Variants in CHN2 observed in about 807,000 individuals in gnomAD.
CHN2 encodes beta-chimaerin.
CHN2 carries 35 observed loss-of-function variants against 56.3 expected under a neutral mutation model. That is an observed-to-expected ratio of 0.62 (90% CI 0.47 to 0.82). CHN2 has a LOEUF of 0.82. Among genes scored for constraint, CHN2 ranks in the 40% least tolerant of loss-of-function variants. The pLI, the probability that CHN2 is intolerant of heterozygous loss-of-function variation, is 0.00. For missense variants in CHN2, 491 were observed against 580.5 expected, an observed-to-expected ratio of 0.85 and a Z score of 1.58; for synonymous variants, 210 against 212.8, an observed-to-expected ratio of 0.99 and a Z score of 0.12.
chr7:29,256,709 C>G (rs1388803963), intron 1 of CHN2, among the ~76,000 whole-genome samples: 1 of 152,072 alleles, frequency 6.6e-6, no homozygotes, highest in Non-Finnish European at 1.5e-5. Flanking sequence ...CAGGTGATCT[C>G]GATGATCTTC....
chr7:29,376,573 G>A (rs1025515099), intron 3 of CHN2: 1 of 152,220 alleles, frequency 6.6e-6, no homozygotes, highest in African/African-American at 2.4e-5. Context: ...GCCGCCTTGG[G>A]TGTGAGAACT....
intron 1 of CHN2, among the ~76,000 whole-genome samples, chr7:29,266,866 G>T (rs923339093): frequency 6.6e-6 from 1 of 152,174 alleles, no homozygotes; most frequent in African/African-American, 2.4e-5. Flanking sequence ...TCTTCTAGTC[G>T]AGAAACCTAG....
intron 2 of CHN2, among the ~76,000 whole-genome samples, chr7:29,361,633 T>G (rs114865441): frequency 6.6e-6 from 1 of 152,198 alleles, no homozygotes; most frequent in African/African-American, 2.4e-5. Flanking sequence ...CTTTGTTGGT[T>G]GTGAGATTGG....
chr7:29,169,831 T>G (rs1796367487), intron 2 of CHN2, among the ~76,000 whole-genome samples: 1 of 151,564 alleles, frequency 6.6e-6, no homozygotes, highest in South Asian at 2.1e-4. Context: ...TGTATATATA[T>G]ATATACACAC....
At chr7:29,398,239 T>C in intron 4 of CHN2, 134 bp from the exon 5 acceptor site, 1 of 636,220 alleles carries the variant, frequency 1.6e-6, no homozygotes. Context: ...AGATGGGCAG[T>C]AGTCACCCCC....
At chr7:29,322,195 G>A (rs543432583) in intron 1 of CHN2, among the ~76,000 whole-genome samples, 3 of 152,174 alleles carry the variant, frequency 2.0e-5, no homozygotes, top group South Asian at 2.1e-4. Flanking sequence ...TTCTCACATC[G>A]TTTCCTAAAG....
Position 29,504,733 on chromosome 7 carries a change from C to A in CHN2, c.914-11C>A. 1 of 1,565,554 alleles carries A rather than the reference C, an allele frequency of 6.4e-7. No individual in the cohort carries two copies. The highest frequency in any genetic ancestry group is 8.7e-7 in the Non-Finnish European group (1 of 1,142,884). On this transcript the variant is annotated splice_polypyrimidine_tract_variant and intron_variant, in intron 9 of 12. Coordinates refer to ENST00000222792, the MANE Select transcript of CHN2 (RefSeq NM_004067.4). ...GAAGCTAAAGTCAGTCTCTCTCTCT[C>A]TCTCTAACAGGATTAAAATCGGAAG...
Position 29,499,896 on chromosome 7 carries a change from T to C in CHN2, c.769T>C (p.Ser257Pro). 6.2e-7 allele frequency: 1 copy of C among 1,609,040 alleles called. No homozygotes were observed. Among genetic ancestry groups the C allele is most frequent in the Non-Finnish European group, 8.5e-7 (1 of 1,178,292 alleles). Residue 257 changes from serine (S) to proline (P), a missense_variant, in exon 9 of 13, where the codon TCC becomes CCC. Coordinates refer to ENST00000222792, the MANE Select transcript of CHN2 (RefSeq NM_004067.4). ...DCGLNVHKQC[S>P]KHVPNDCQPD... ...TGGATTGAACGTACACAAACAGTGT[T>C]CCAAGCACGTTCCCAATGACTGCCA...
chr7:29,292,157 T>C (rs974445937), intron 1 of CHN2, among the ~76,000 whole-genome samples: 2 of 152,192 alleles, frequency 1.3e-5, no homozygotes, highest in African/African-American at 4.8e-5. Context: ...AGGCAGAGGA[T>C]GGAGCGAGAG....
Position 29,152,792 on chromosome 7 carries a change from T to G in CHN2, c.274+5832T>G, listed in dbSNP as rs146898646. On this transcript the variant is annotated intron_variant, in intron 2 of 6. Transcript: ENST00000439384. ...ATTGTTAAGTTTCTCTCAGTAAATT[T>G]TGACAAGAAACAGGCAAGCAAAACA... Among the ~76,000 whole-genome samples, 509 of 152,346 alleles carry G rather than the reference T, an allele frequency of 3.3e-3. 1 individual carries two copies. The highest frequency in any genetic ancestry group is 5.1e-3 in the Non-Finnish European group (344 of 68,022).
intron 1 of CHN2, among the ~76,000 whole-genome samples, chr7:29,232,138 T>C (rs954688366): frequency 1.3e-5 from 2 of 152,184 alleles, no homozygotes; most frequent in Non-Finnish European, 2.9e-5. Context: ...CTCTTTGGAT[T>C]TGTAAACAGA....
chr7:29,367,920 C>G lies in CHN2; in HGVS notation c.89-12C>G. ...TAATTATTTCTCTCTCTCTCTCTCT[C>G]TTTTTTGGCAGTATATCAGTTACAG... On this transcript the variant is annotated splice_polypyrimidine_tract_variant and intron_variant, in intron 2 of 12. Coordinates refer to ENST00000222792, the MANE Select transcript of CHN2 (RefSeq NM_004067.4). 6.3e-7 allele frequency: 1 copy of G among 1,590,528 alleles called. No individual in the cohort carries two copies. Among genetic ancestry groups the G allele is most frequent in the Non-Finnish European group, 8.6e-7 (1 of 1,166,508 alleles).
At chr7:29,394,306 C>T (rs565607933) in intron 4 of CHN2, among the ~76,000 whole-genome samples, 11 of 152,234 alleles carry the variant, frequency 7.2e-5, no homozygotes, top group African/African-American at 2.6e-4. Flanking sequence ...AAAAATAATT[C>T]GCAGTCTAAG....
chr7:29,501,613 G>A (rs746099916), intron 9 of CHN2, among the ~76,000 whole-genome samples: 3 of 152,174 alleles, frequency 2.0e-5, no homozygotes, highest in Admixed American at 2.0e-4. Context: ...AGATAGAGTA[G>A]CACAAATTAG....
chr7:29,452,835 T>C (rs547640023), intron 6 of CHN2, among the ~76,000 whole-genome samples: 31 of 152,278 alleles, frequency 2.0e-4, no homozygotes, highest in African/African-American at 7.2e-4. Context: ...CAGTGTGGCA[T>C]GGTAGCAAGT....
At chr7:29,182,370 G>C (rs1798166825) in intron 2 of CHN2, among the ~76,000 whole-genome samples, 1 of 151,506 alleles carries the variant, frequency 6.6e-6, no homozygotes, top group Non-Finnish European at 1.5e-5. Context: ...GCAGTAAAAA[G>C]CAAAAGCTCC....
At chr7:29,190,122 T>C (rs1363667935), upstream of CHN2, among the ~76,000 whole-genome samples, 1 of 152,196 alleles carries the variant, frequency 6.6e-6, no homozygotes, top group Non-Finnish European at 1.5e-5. Flanking sequence ...GAAGAGCCAA[T>C]GCGTTCTCTT....
intron 2 of CHN2, among the ~76,000 whole-genome samples, chr7:29,169,848 A>G (rs1178354330): frequency 1.3e-5 from 2 of 150,020 alleles, no homozygotes; most frequent in Non-Finnish European, 2.9e-5. Flanking sequence ...ACACATATAT[A>G]TAAGTATATA....
chr7:29,499,091 G>A (rs1012883762), intron 8 of CHN2, among the ~76,000 whole-genome samples: 13 of 152,114 alleles, frequency 8.5e-5, no homozygotes, highest in Non-Finnish European at 1.8e-4. Context: ...GAGAAATTCC[G>A]TCAGTGGATA....
Sources: gnomAD v4.1 joint callset for allele counts (sites outside exome capture counted in the v4.1 genomes callset) on GRCh38, gnomAD v4.1.1 for gene constraint, MANE v1.5 for transcripts, NCBI Gene and HGNC (gene_info 2026-07-23, HGNC 2026-07-21) for gene names.